SLC6A18: variants seen among roughly 807,000 people sequenced by gnomAD.
SLC6A18 encodes the protein solute carrier family 6 member 18.
SLC6A18 carries 58 observed loss-of-function variants against 62.9 expected under a neutral mutation model. The ratio of observed to expected loss-of-function variants is 0.92; its 90% CI spans 0.75 to 1.15. The LOEUF is 1.15. Ranked by LOEUF, SLC6A18 falls within the 50% of genes most tolerant of loss-of-function variation. The probability of loss-of-function intolerance (pLI) is 0.00; values close to 1 mark genes in which losing one functional copy is unlikely to be tolerated. For missense variants in SLC6A18, 793 were observed against 836.6 expected (o/e 0.95, Z 0.64); for synonymous variants, 382 against 365.8 (o/e 1.04, Z -0.51).
chr5:1,245,791 G>T (rs1038082888), intron 11 of SLC6A18, 57 bp from the exon 12 acceptor site: 38 of 1,522,284 alleles, frequency 2.5e-5, no homozygotes, highest in Admixed American at 9.6e-5. Context: ...GGAGCACGGG[G>T]GTCAGCCTCA....
intron 1 of SLC6A18, among the ~76,000 whole-genome samples, chr5:1,229,084 C>T (rs1746657533): frequency 6.6e-6 from 1 of 152,202 alleles, no homozygotes. Flanking sequence ...CCACCCCCAA[C>T]CACAACACTC....
chr5:1,236,954 C>T (rs576717635), intron 4 of SLC6A18, among the ~76,000 whole-genome samples: 1 of 152,164 alleles, frequency 6.6e-6, no homozygotes, highest in South Asian at 2.1e-4. Flanking sequence ...GCATCCCAAG[C>T]TGGGCACAGT....
At chr5:1,233,583 TTC>T (rs1203524864) in intron 3 of SLC6A18, among the ~76,000 whole-genome samples, 1 of 130,092 alleles carries the variant, frequency 7.7e-6, no homozygotes, top group African/African-American at 3.0e-5. Flanking sequence ...TTATATTTTC[TTC>T]TTTTTTTTTT....
At chr5:1,233,749 A>ATTTTTTTTTTTTTTTTTTT (rs70957337) in intron 3 of SLC6A18, among the ~76,000 whole-genome samples, 1 of 138,634 alleles carries the variant, frequency 7.2e-6, no homozygotes. Context: ...CACTCAGCTA[A>ATTTTTTTTTTTTTTTTTTT]TTTTTTTTTT....
At chr5:1,234,447 C>G (rs927589743) in intron 3 of SLC6A18, among the ~76,000 whole-genome samples, 1 of 152,238 alleles carries the variant, frequency 6.6e-6, no homozygotes, top group African/African-American at 2.4e-5. Context: ...GAAGCGGCCC[C>G]AGTACAGGCT....
chr5:1,245,781 G>T (rs1358583689), intron 11 of SLC6A18, 67 bp from the exon 12 acceptor site: 1 of 1,481,786 alleles, frequency 6.7e-7, no homozygotes, highest in Non-Finnish European at 9.0e-7. Context: ...CTTGGATTGA[G>T]GAGCACGGGG....
chr5:1,230,741 G>C (rs1746711278), intron 1 of SLC6A18, among the ~76,000 whole-genome samples: 1 of 152,200 alleles, frequency 6.6e-6, no homozygotes, highest in East Asian at 1.9e-4. Flanking sequence ...CGCACGGCGG[G>C]GAAGAGTGTG....
At chr5:1,226,829 G>C (rs553962056) in intron 1 of SLC6A18, among the ~76,000 whole-genome samples, 1 of 152,324 alleles carries the variant, frequency 6.6e-6, no homozygotes, top group Non-Finnish European at 1.5e-5. Context: ...AGAGTCACCA[G>C]AGCATGCAAG....
rs755619786 is a variant in SLC6A18 at position 1,246,045 on chromosome 5, C to T, written c.1854C>T (p.Asp618=). The T allele has an allele frequency of 7.5e-6, 12 of 1,590,802 alleles. No homozygotes were observed. The African/African-American group carries it at 9.5e-5, about 13-fold the overall frequency. ...GCCCGGACACGGACACGCGCCCAGA[C>T]ACGGACATGCGCCCGGACACGGACA... ...DMRPDTDTRP[D]TDMRPDTDMR The change falls in exon 12 of 12, where the codon GAC becomes GAT. Residue 618 remains aspartate (D), a synonymous_variant. Transcript: ENST00000324642.
chr5:1,244,648 A>T lies in SLC6A18; in HGVS notation c.1537A>T (p.Ser513Cys). ...DIAWMTGRRP[S>C]PYWRLTWRVV... ...TGCGTGGATGACCGGGAGGCGGCCC[A>T]GCCCCTACTGGCGGCTGACCTGGAG... The change falls in exon 11 of 12, where the codon AGC (serine) becomes TGC (cysteine). Residue 513 changes from serine (S) to cysteine (C), a missense_variant. Ser to Cys is a moderately radical substitution (Grantham distance 112). Coordinates refer to ENST00000324642, the MANE Select transcript of SLC6A18 (RefSeq NM_182632.3). The T allele has an allele frequency of 6.2e-7, 1 of 1,610,464 alleles. No individual in the cohort carries two copies. Among genetic ancestry groups the T allele is most frequent in the Non-Finnish European group, 8.5e-7 (1 of 1,177,238 alleles).
intron 5 of SLC6A18, 135 bp downstream of exon 5, chr5:1,238,195 G>A (rs1579530706): frequency 9.6e-6 from 7 of 725,474 alleles, no homozygotes; most frequent in East Asian, 2.6e-5. Context: ...GGTGGTCAGG[G>A]GTGAGGTTGG....
intron 11 of SLC6A18, 140 bp from the exon 12 acceptor site, chr5:1,245,708 C>A: frequency 1.1e-6 from 1 of 921,182 alleles, no homozygotes; most frequent in Non-Finnish European, 1.6e-6. Flanking sequence ...ACGGCCTGGC[C>A]ACTGCTCTGG....
In SLC6A18 at chr5:1,246,136, G is replaced by A. The variant is rs1392459293; in HGVS notation, c.*58G>A. The stretch of plus-strand genomic sequence containing the variant: ...CTGTGGGGGGGCTTGGCCTGATGGT[G>A]GGCGGGGCCCCGCCCACAGGGCCGA... On this transcript the variant is annotated 3_prime_UTR_variant, in exon 12 of 12. Coordinates refer to ENST00000324642, the MANE Select transcript of SLC6A18 (RefSeq NM_182632.3). 1.3e-6 allele frequency: 2 copies of A among 1,491,864 alleles called. No homozygotes were observed. 92.4% of individuals were successfully genotyped at this position (1,491,864 alleles called of 1,614,324 possible).
intron 11 of SLC6A18, 48 bp from the exon 12 acceptor site, chr5:1,245,800 C>T (rs759993448): frequency 1.9e-6 from 3 of 1,547,724 alleles, no homozygotes; most frequent in Admixed American, 3.7e-5. Flanking sequence ...GGGTCAGCCT[C>T]ACGGCCCAGG....
chr5:1,227,189 C>A (rs1018390051), intron 1 of SLC6A18, among the ~76,000 whole-genome samples: 5 of 152,092 alleles, frequency 3.3e-5, no homozygotes, highest in Admixed American at 6.6e-5. Context: ...CCTTGCCCAC[C>A]GAAACCCAGT....
In SLC6A18 at chr5:1,245,966, C is replaced by T. The variant is rs566277254; in HGVS notation, c.1775C>T (p.Thr592Ile). 5 of 1,601,412 alleles carry T rather than the reference C, an allele frequency of 3.1e-6. No individual in the cohort carries two copies. The South Asian group carries it at 5.5e-5, about 18-fold the overall frequency. ...GTGGCCGCGCTTGCTCAGCTGCTCACCCGGCGGAGGCGGACGTGGAGGGAC... is the reference window on the plus strand; with the variant it reads ...GTGGCCGCGCTTGCTCAGCTGCTCATCCGGCGGAGGCGGACGTGGAGGGAC... ...VPVAALAQLL[T>I]RRRRTWRDRD... Residue 592 changes from threonine (T) to isoleucine (I), a missense_variant, in exon 12 of 12, where the codon ACC (threonine) becomes ATC (isoleucine). Physicochemically the swap from Thr to Ile is moderately conservative, Grantham distance 89. Transcript: ENST00000324642.
chr5:1,232,120 G>A (rs1421713861), intron 1 of SLC6A18, 99 bp from the exon 2 acceptor site: 20 of 1,097,720 alleles, frequency 1.8e-5, no homozygotes, highest in South Asian at 1.0e-4. Flanking sequence ...TTCAGGTCCC[G>A]TCTGCCCCTT....
At chr5:1,228,654 A>C (rs1436047848) in intron 1 of SLC6A18, among the ~76,000 whole-genome samples, 1 of 152,204 alleles carries the variant, frequency 6.6e-6, no homozygotes, top group Non-Finnish European at 1.5e-5. Flanking sequence ...AACTTCACGT[A>C]ATTGTTAAAA....
At position 1,244,746 on chromosome 5, in the gene SLC6A18, C is replaced by G; in HGVS notation, c.1635C>G (p.Tyr545Ter). 6.2e-7 allele frequency: 1 copy of G among 1,609,446 alleles called. No individual in the cohort carries two copies. Among genetic ancestry groups the G allele is most frequent in the Admixed American group, 1.7e-5 (1 of 59,862 alleles). The change falls in exon 11 of 12, where the codon TAC becomes TAG. Residue 545 changes from tyrosine (Y) to a stop codon, truncating the protein, a stop_gained. Coordinates refer to ENST00000324642, the MANE Select transcript of SLC6A18 (RefSeq NM_182632.3). LOFTEE classifies it low-confidence loss of function (END_TRUNC). ...IILLFWKPLR[Y>*]KAWNPKYELF... The stretch of plus-strand genomic sequence containing the variant: ...TCCTGTTCTGGAAGCCACTGAGATA[C>G]AAGGCCTGGAACCCCAAATACGTAG...
Sources: allele counts gnomAD v4.1 joint callset (sites outside exome capture counted in the v4.1 genomes callset), GRCh38; gene constraint gnomAD v4.1.1; transcripts MANE v1.5; gene names NCBI Gene and HGNC (gene_info 2026-07-23, HGNC 2026-07-21).